The following PLEKHA7 variants were observed in gnomAD, a reference collection of about 807,000 sequenced individuals.
The protein encoded by PLEKHA7 is pleckstrin homology domain containing A7, also known as pleckstrin homology domain-containing family A member 7.
Under a neutral mutation model 170.0 loss-of-function variants are expected in PLEKHA7, and 104 were observed. The observed-to-expected ratio is 0.61, with a 90% CI of 0.52 to 0.72. The LOEUF (loss-of-function observed/expected upper bound fraction) is 0.72. PLEKHA7 is among the 30% of genes least tolerant of loss of function. The pLI is 0.00. For missense variants in PLEKHA7, 1,615 were observed against 1,671.7 expected (o/e 0.97, Z 0.59); for synonymous variants, 648 against 660.8 (o/e 0.98, Z 0.30).
chr11:17,006,258 G>A (rs4757486), intron 3 of PLEKHA7, among the ~76,000 whole-genome samples: 95,781 of 150,604 alleles, frequency 0.64, 31,083 homozygotes, highest in East Asian at 0.96. Flanking sequence ...TACAAGGGAA[G>A]CGGAGGTTGC....
chr11:16,812,956 A>T (rs992168000), intron 13 of PLEKHA7, among the ~76,000 whole-genome samples, 157 bp downstream of exon 13: 1 of 152,220 alleles, frequency 6.6e-6, no homozygotes, highest in Non-Finnish European at 1.5e-5. Flanking sequence ...AGTCTGTAAG[A>T]AATAAAGTTC....
At chr11:16,855,753 T>A in intron 5 of PLEKHA7, 50 bp downstream of exon 5, 1 of 1,408,440 alleles carries the variant, frequency 7.1e-7, no homozygotes, top group South Asian at 1.2e-5. Context: ...CAAAGGGGCT[T>A]GGCAAAATAT....
At chr11:16,914,905 T>G (rs534587851) in intron 3 of PLEKHA7, among the ~76,000 whole-genome samples, 1 of 152,198 alleles carries the variant, frequency 6.6e-6, no homozygotes, top group African/African-American at 2.4e-5. Flanking sequence ...GTTTTTCTCC[T>G]CAGCAGCCTC....
In PLEKHA7 at chr11:16,885,952, G is replaced by A. The variant is rs142636726; in HGVS notation, c.222-14770C>T. ...GCAGAGGTTGCAGTGAGCTGAGATC[G>A]CGCCACTGCACCACTCCAGCCTGGC... is the stretch of plus-strand genomic sequence containing the variant. On this transcript the variant is annotated intron_variant, in intron 3 of 26. Coordinates refer to ENST00000531066, the MANE Select transcript of PLEKHA7 (RefSeq NM_001329630.2). Among the ~76,000 whole-genome samples the A allele has an allele frequency of 3.9e-3, 592 of 150,934 alleles. 1 individual carries two copies. Among genetic ancestry groups the A allele is most frequent in the Middle Eastern group, 0.024 (7 of 288 alleles).
chr11:16,897,758 A>T (rs961521579), intron 3 of PLEKHA7, among the ~76,000 whole-genome samples: 2 of 152,204 alleles, frequency 1.3e-5, no homozygotes, highest in African/African-American at 2.4e-5. Context: ...TTCAGACTTT[A>T]TGACTCTAAC....
At chr11:16,802,741 T>G (rs1012887489) in intron 15 of PLEKHA7, among the ~76,000 whole-genome samples, 1 of 152,074 alleles carries the variant, frequency 6.6e-6, no homozygotes, top group Admixed American at 6.5e-5. Context: ...GGAGACAGGG[T>G]TTCACCATGT....
At chr11:16,958,806 G>A (rs1286181523) in intron 3 of PLEKHA7, among the ~76,000 whole-genome samples, 1 of 152,126 alleles carries the variant, frequency 6.6e-6, no homozygotes, top group East Asian at 1.9e-4. Context: ...TTTGCTAATT[G>A]CTCAATTGCA....
At chr11:16,859,022 G>A (rs879071851) in intron 4 of PLEKHA7, among the ~76,000 whole-genome samples, 4 of 152,178 alleles carry the variant, frequency 2.6e-5, no homozygotes, top group Non-Finnish European at 4.4e-5. Context: ...GGTCTACACC[G>A]CTCAAACACA....
chr11:16,979,176 C>T (rs757547169), intron 3 of PLEKHA7, among the ~76,000 whole-genome samples: 29 of 152,142 alleles, frequency 1.9e-4, no homozygotes, highest in Non-Finnish European at 3.5e-4. Context: ...GGATTACAGG[C>T]GCGCTACCAC....
chr11:16,787,108 A>G (rs1336678203), intron 23 of PLEKHA7: 1 of 985,362 alleles, frequency 1.0e-6, no homozygotes, highest in Non-Finnish European at 1.2e-6. Flanking sequence ...GGAAAATCTA[A>G]CCGATAAGAT....
chr11:16,816,427 C>T (rs1236505383), intron 11 of PLEKHA7, among the ~76,000 whole-genome samples, 163 bp from the exon 12 acceptor site: 3 of 152,172 alleles, frequency 2.0e-5, no homozygotes, highest in Admixed American at 6.5e-5. Context: ...CTGTGAAAGC[C>T]TCTTGGAAAG....
intron 13 of PLEKHA7, among the ~76,000 whole-genome samples, chr11:16,811,689 C>T (rs905336633): frequency 2.0e-5 from 3 of 152,236 alleles, no homozygotes; most frequent in Non-Finnish European, 4.4e-5. Flanking sequence ...GTGAGTTAGA[C>T]AGTCCTGGCC....
chr11:17,003,495 CA>C (rs1275261217), intron 3 of PLEKHA7, among the ~76,000 whole-genome samples: 1 of 152,228 alleles, frequency 6.6e-6, no homozygotes, highest in East Asian at 1.9e-4. Flanking sequence ...TGGGCATTTA[CA>C]ATGTGCCAGT....
intron 4 of PLEKHA7, among the ~76,000 whole-genome samples, chr11:16,870,732 T>C (rs980060307): frequency 6.6e-5 from 10 of 151,940 alleles, no homozygotes; most frequent in African/African-American, 2.4e-4. Flanking sequence ...CCCAAGTATC[T>C]GGTAATACAG....
intron 3 of PLEKHA7, among the ~76,000 whole-genome samples, chr11:16,873,565 T>C (rs142652645): frequency 3.2e-4 from 48 of 152,342 alleles, no homozygotes; most frequent in African/African-American, 1.1e-3. Flanking sequence ...GAGTTAAGTC[T>C]GAGCATCTAA....
Position 16,855,868 on chromosome 11 carries a change from T to C in PLEKHA7, c.352A>G (p.Ser118Gly), listed in dbSNP as rs765626380. 5.6e-6 allele frequency: 9 copies of C among 1,614,238 alleles called. No homozygotes were observed. In the South Asian group the frequency reaches 9.9e-5, roughly 18 times the overall value. ...GCCGTGGATGTTTCACTGACCATGC[T>C]GGACGGTCTTTGGTTTCTGTCTTGC... is the stretch of plus-strand genomic sequence containing the variant. ...SKQDRNQRPS[S>G]MVSETSTAGT... Residue 118 changes from serine (S) to glycine (G), a missense_variant, in exon 5 of 27, where the codon AGC becomes GGC. Coordinates refer to ENST00000531066, the MANE Select transcript of PLEKHA7 (RefSeq NM_001329630.2).
intron 19 of PLEKHA7, among the ~76,000 whole-genome samples, chr11:16,792,932 C>G (rs114899435): frequency 0.013 from 1,952 of 152,212 alleles, 42 homozygotes; most frequent in African/African-American, 0.045. Flanking sequence ...CAGCACCACG[C>G]CCATCTTATA....
chr11:16,983,411 A>G (rs1348545360), intron 3 of PLEKHA7, among the ~76,000 whole-genome samples: 2 of 152,160 alleles, frequency 1.3e-5, no homozygotes, highest in African/African-American at 4.8e-5. Context: ...CTTTCCATAA[A>G]GGCCTGAGAT....
chr11:16,843,284 C>A (rs1287193204), intron 8 of PLEKHA7, among the ~76,000 whole-genome samples: 1 of 152,200 alleles, frequency 6.6e-6, no homozygotes, highest in East Asian at 1.9e-4. Context: ...AGACCCCATG[C>A]AAGGACCAGG....
Sources: allele counts gnomAD v4.1 joint callset (sites outside exome capture counted in the v4.1 genomes callset), GRCh38; gene constraint gnomAD v4.1.1; transcripts MANE v1.5; gene names NCBI Gene and HGNC (gene_info 2026-07-23, HGNC 2026-07-21).